Variants in LUZP2 observed in about 807,000 individuals in gnomAD.
LUZP2 encodes the protein leucine zipper protein 2.
In LUZP2, 52 loss-of-function variants were observed where a neutral mutation model predicts 51.6. The observed-to-expected ratio is 1.01, with a 90% CI of 0.81 to 1.27. LUZP2 has a LOEUF of 1.27. Among genes scored for constraint, LUZP2 ranks in the 50% most tolerant of loss-of-function variants. The pLI is 0.00. For missense variants in LUZP2, 436 were observed against 395.4 expected, an observed-to-expected ratio of 1.10 and a Z score of -0.87; for synonymous variants, 154 against 137.3, an observed-to-expected ratio of 1.12 and a Z score of -0.85.
chr11:25,004,169 G>T (rs866069975), intron 9 of LUZP2, among the ~76,000 whole-genome samples: 4 of 152,280 alleles, frequency 2.6e-5, no homozygotes, highest in Middle Eastern at 3.4e-3. Context: ...TCTGGTTGGG[G>T]GCTGCTGACC....
At chr11:24,674,372 G>A (rs1158994170) in intron 1 of LUZP2, among the ~76,000 whole-genome samples, 2 of 152,116 alleles carry the variant, frequency 1.3e-5, no homozygotes, top group Non-Finnish European at 2.9e-5. Flanking sequence ...ATGAAATACG[G>A]TAACTTGATT....
At chr11:25,063,363 A>G (rs7113800) in intron 10 of LUZP2, among the ~76,000 whole-genome samples, 135,900 of 151,366 alleles carry the variant, frequency 0.9, 62,100 homozygotes, top group Non-Finnish European at 0.97. Context: ...ATGTCTGTAC[A>G]CTGAATTGTG....
At chr11:24,591,389 A>G (rs1231825513) in intron 1 of LUZP2, among the ~76,000 whole-genome samples, 1 of 152,178 alleles carries the variant, frequency 6.6e-6, no homozygotes, top group African/African-American at 2.4e-5. Context: ...GAAGTCAAGG[A>G]TTATGTATTC....
intron 7 of LUZP2, among the ~76,000 whole-genome samples, chr11:24,973,058 G>GGT (rs1554948257): frequency 7.4e-6 from 1 of 135,556 alleles, no homozygotes; most frequent in South Asian, 2.3e-4. Flanking sequence ...CTGGTCCTGG[G>GGT]TTTTTTTTTT....
At chr11:24,785,102 C>T (rs1369686836) in intron 5 of LUZP2, among the ~76,000 whole-genome samples, 1 of 151,952 alleles carries the variant, frequency 6.6e-6, no homozygotes, top group Non-Finnish European at 1.5e-5. Context: ...ATGCTCATTC[C>T]TCTTTGGAAG....
chr11:24,850,803 T>C (rs1377076826), intron 5 of LUZP2, among the ~76,000 whole-genome samples: 3 of 152,178 alleles, frequency 2.0e-5, no homozygotes, highest in African/African-American at 7.2e-5. Flanking sequence ...CCTTGAGCAG[T>C]GGTTTGTAGT....
chr11:24,831,475 G>T (rs1850704609), intron 5 of LUZP2, among the ~76,000 whole-genome samples: 1 of 152,118 alleles, frequency 6.6e-6, no homozygotes, highest in Non-Finnish European at 1.5e-5. Flanking sequence ...AAGGAGCTTT[G>T]AAAGAAGGTA....
chr11:24,860,401 T>A (rs2134243604), intron 5 of LUZP2, among the ~76,000 whole-genome samples: 1 of 152,130 alleles, frequency 6.6e-6, no homozygotes. Context: ...CCCAGATGAG[T>A]GGGTTTTCCC....
At chr11:24,859,546 A>T (rs1851670463) in intron 5 of LUZP2, among the ~76,000 whole-genome samples, 1 of 149,184 alleles carries the variant, frequency 6.7e-6, no homozygotes, top group Non-Finnish European at 1.5e-5. Context: ...GACAAACTGG[A>T]GGGGTGGGAC....
At chr11:25,067,418 CA>C (rs1406593771) in intron 10 of LUZP2, among the ~76,000 whole-genome samples, 3 of 151,966 alleles carry the variant, frequency 2.0e-5, no homozygotes, top group African/African-American at 7.2e-5. Flanking sequence ...CTTTTGTTGT[CA>C]TTGTTTTTGG....
chr11:24,919,665 C>T (rs922063086), intron 7 of LUZP2, among the ~76,000 whole-genome samples: 1 of 148,444 alleles, frequency 6.7e-6, no homozygotes, highest in African/African-American at 2.5e-5. Context: ...TACATGCATA[C>T]ATATATATAT....
intron 5 of LUZP2, among the ~76,000 whole-genome samples, chr11:24,779,555 G>T (rs542856943): frequency 6.6e-6 from 1 of 152,282 alleles, no homozygotes; most frequent in Admixed American, 6.5e-5. Flanking sequence ...TAAATGTAAA[G>T]TGTTAATTAA....
chr11:24,687,496 C>T (rs1300619253), intron 1 of LUZP2, among the ~76,000 whole-genome samples: 29 of 152,136 alleles, frequency 1.9e-4, no homozygotes, highest in Admixed American at 1.9e-3. Context: ...GTTTTACACA[C>T]TAAGGTTTAG....
chr11:24,744,327 A>G (rs960602680), intron 4 of LUZP2, among the ~76,000 whole-genome samples: 1 of 152,132 alleles, frequency 6.6e-6, no homozygotes, highest in African/African-American at 2.4e-5. Flanking sequence ...TTCTGCTGTG[A>G]ATCCATCTGG....
chr11:24,617,083 A>T (rs1854313925), intron 1 of LUZP2, among the ~76,000 whole-genome samples: 1 of 152,204 alleles, frequency 6.6e-6, no homozygotes, highest in Non-Finnish European at 1.5e-5. Flanking sequence ...CGCTTGTTAA[A>T]ACAGAGGTAG....
chr11:24,862,191 G>T (rs528755121), intron 5 of LUZP2, among the ~76,000 whole-genome samples: 3 of 152,266 alleles, frequency 2.0e-5, no homozygotes, highest in East Asian at 1.9e-4. Context: ...CAGACTAACA[G>T]CAGACCTTTC....
intron 1 of LUZP2, among the ~76,000 whole-genome samples, chr11:24,523,887 GA>G (rs1268479618): frequency 6.6e-6 from 1 of 151,630 alleles, no homozygotes; most frequent in Non-Finnish European, 1.5e-5. Context: ...TTTAAGTAAA[GA>G]AAAAATAAGG....
chr11:24,596,732 TA>T (rs1853456546), intron 1 of LUZP2, among the ~76,000 whole-genome samples: 1 of 152,110 alleles, frequency 6.6e-6, no homozygotes, highest in Non-Finnish European at 1.5e-5. Flanking sequence ...TCAGAGAGTC[TA>T]AAAAAACTAC....
intron 5 of LUZP2, among the ~76,000 whole-genome samples, chr11:24,802,384 A>G (rs747047066): frequency 2.6e-5 from 4 of 151,952 alleles, no homozygotes; most frequent in Non-Finnish European, 5.9e-5. Flanking sequence ...ACATTCTACT[A>G]CATGAGTTTT....
Sources: gnomAD v4.1 joint callset for allele counts (sites outside exome capture counted in the v4.1 genomes callset) on GRCh38, gnomAD v4.1.1 for gene constraint, MANE v1.5 for transcripts, NCBI Gene and HGNC (gene_info 2026-07-23, HGNC 2026-07-21) for gene names.